Variants in RYR3 observed in about 807,000 individuals in gnomAD.
The protein encoded by RYR3 is ryanodine receptor 3.
In RYR3, 207 loss-of-function variants were observed where a neutral mutation model predicts 584.3. The observed-to-expected ratio is 0.35, with a 90% CI of 0.32 to 0.40. The LOEUF (loss-of-function observed/expected upper bound fraction) is 0.40, where lower values mean the gene tolerates loss of function less well. Among genes scored for constraint, RYR3 ranks in the 10% least tolerant of loss-of-function variants. The pLI, the probability that RYR3 is intolerant of heterozygous loss-of-function variation, is 1.00. For synonymous variants in RYR3, 2,416 were observed against 2,248.5 expected (o/e 1.07, Z -2.11); for missense variants, 5,616 against 6,089.2 (o/e 0.92, Z 2.59).
At chr15:33,748,561 T>C in intron 55 of RYR3, 31 bp downstream of exon 55, 5 of 1,583,336 alleles carry the variant, frequency 3.2e-6, no homozygotes, top group Non-Finnish European at 4.3e-6. Flanking sequence ...ATGACTTGCT[T>C]TCAAGTGCAG....
chr15:33,746,696 G>A (rs563180715), intron 53 of RYR3, among the ~76,000 whole-genome samples: 3 of 152,078 alleles, frequency 2.0e-5, no homozygotes, highest in East Asian at 3.9e-4. Flanking sequence ...AGAGGTTGCA[G>A]TGAGCCAAGA....
chr15:33,774,910 T>G (rs1227020241), intron 64 of RYR3, among the ~76,000 whole-genome samples: 1 of 152,224 alleles, frequency 6.6e-6, no homozygotes, highest in Non-Finnish European at 1.5e-5. Flanking sequence ...CCACTGAGCA[T>G]TTGTAAATAC....
chr15:33,619,760 T>C (rs537720136), intron 19 of RYR3, among the ~76,000 whole-genome samples: 14 of 152,298 alleles, frequency 9.2e-5, no homozygotes, highest in Admixed American at 9.1e-4. Context: ...CCCTCCCTGA[T>C]TGGCCAGCTC....
At chr15:33,695,913 G>A (rs1566968821) in intron 38 of RYR3, among the ~76,000 whole-genome samples, 1 of 140,028 alleles carries the variant, frequency 7.1e-6, no homozygotes, top group Non-Finnish European at 1.5e-5. Flanking sequence ...AGCCTCCCAA[G>A]CAGCTGACTA....
chr15:33,630,597 G>A (rs969640593), intron 22 of RYR3, among the ~76,000 whole-genome samples: 7 of 152,136 alleles, frequency 4.6e-5, no homozygotes, highest in African/African-American at 9.7e-5. Context: ...ACGATGCTCC[G>A]TAAGGTCCCT....
At chr15:33,728,673 A>G (rs2068665760) in intron 46 of RYR3, among the ~76,000 whole-genome samples, 184 bp from the exon 47 acceptor site, 1 of 152,374 alleles carries the variant, frequency 6.6e-6, no homozygotes, top group East Asian at 1.9e-4. Context: ...TTGGTGCCCA[A>G]AAAGTTTCAG....
chr15:33,588,529 G>T (rs11852941), intron 16 of RYR3, among the ~76,000 whole-genome samples: 4,071 of 152,154 alleles, frequency 0.027, 163 homozygotes, highest in African/African-American at 0.085. Context: ...GTGTAGTGCT[G>T]ATGTCTGGGT....
At chr15:33,372,510 G>C (rs917122012) in intron 1 of RYR3, among the ~76,000 whole-genome samples, 1 of 151,762 alleles carries the variant, frequency 6.6e-6, no homozygotes, top group African/African-American at 2.4e-5. Context: ...GACTACAGGC[G>C]CCCGCCACCA....
intron 2 of RYR3, among the ~76,000 whole-genome samples, chr15:33,502,260 A>G (rs1007461122): frequency 1.3e-5 from 2 of 152,196 alleles, no homozygotes; most frequent in South Asian, 2.1e-4. Flanking sequence ...ATAAACACTC[A>G]GAAATTAAAG....
intron 24 of RYR3, among the ~76,000 whole-genome samples, chr15:33,633,359 GC>G (rs2152637916): frequency 6.6e-6 from 1 of 152,338 alleles, no homozygotes; most frequent in African/African-American, 2.4e-5. Flanking sequence ...GGGGAAGCTA[GC>G]CCAGCACAGC....
intron 2 of RYR3, among the ~76,000 whole-genome samples, chr15:33,499,014 A>G (rs1217132352): frequency 1.3e-5 from 2 of 152,142 alleles, no homozygotes; most frequent in South Asian, 2.1e-4. Flanking sequence ...ATTCTTTCAA[A>G]GATGCAAATT....
At chr15:33,602,733 CTTTTTTTTTTTTTTTTTT>C (rs10578832) in intron 17 of RYR3, among the ~76,000 whole-genome samples, 4 of 75,200 alleles carry the variant, frequency 5.3e-5, no homozygotes, top group African/African-American at 1.1e-4. Context: ...TTTTTCTAGT[CTTTTTTTTTTTTTTTTTT>C]TTTTTTTTTT....
chr15:33,530,452 C>T (rs2054771749), intron 3 of RYR3, 140 bp from the exon 4 acceptor site: 5 of 643,354 alleles, frequency 7.8e-6, no homozygotes, highest in Admixed American at 4.9e-5. Context: ...AGACCAGCCA[C>T]TTGCTTCTGG....
At chr15:33,539,118 C>T in intron 5 of RYR3, 1 of 336,808 alleles carries the variant, frequency 3.0e-6, no homozygotes. Flanking sequence ...GCCTCCAATA[C>T]TCCTTTCCAT....
chr15:33,362,293 T>A (rs1974876727), intron 1 of RYR3, among the ~76,000 whole-genome samples: 1 of 152,156 alleles, frequency 6.6e-6, no homozygotes, highest in East Asian at 1.9e-4. Context: ...TGTTAACCTG[T>A]CTTCTCTACA....
chr15:33,774,435 A>G (rs1410555994), intron 64 of RYR3, among the ~76,000 whole-genome samples: 3 of 152,192 alleles, frequency 2.0e-5, no homozygotes, highest in Admixed American at 2.0e-4. Context: ...TGCTGCCTCT[A>G]TGTATAATGC....
At chr15:33,550,074 T>C in intron 9 of RYR3, 86 bp from the exon 10 acceptor site, 2 of 1,373,480 alleles carry the variant, frequency 1.5e-6, no homozygotes. Context: ...ATAAGTCTGC[T>C]AGCATGTGTA....
At chr15:33,615,293 CA>C (rs1267326292) in intron 19 of RYR3, among the ~76,000 whole-genome samples, 2 of 152,178 alleles carry the variant, frequency 1.3e-5, no homozygotes, top group Non-Finnish European at 2.9e-5. Context: ...AGGGGATTTT[CA>C]GGGTGAAACC....
At chr15:33,578,213 C>A (rs1263152076) in intron 12 of RYR3, among the ~76,000 whole-genome samples, 1 of 152,088 alleles carries the variant, frequency 6.6e-6, no homozygotes, top group East Asian at 1.9e-4. Context: ...TCCTCAAATA[C>A]CTAGAGCCAG....
Sources: gnomAD v4.1 joint callset for allele counts (sites outside exome capture counted in the v4.1 genomes callset) on GRCh38, gnomAD v4.1.1 for gene constraint, MANE v1.5 for transcripts, NCBI Gene and HGNC (gene_info 2026-07-23, HGNC 2026-07-21) for gene names.